The following LRWD1 variants were observed in gnomAD, a reference collection of about 807,000 sequenced individuals.
LRWD1 encodes leucine-rich repeat and WD repeat-containing protein 1.
In LRWD1, 76 loss-of-function variants were observed where a neutral mutation model predicts 75.6. The observed-to-expected ratio is 1.01, with a 90% CI of 0.84 to 1.22. LRWD1 has a LOEUF of 1.22. LRWD1 is among the 50% of genes most tolerant of loss of function. LRWD1 has a pLI of 0.00. For synonymous variants in LRWD1, 487 were observed against 377.0 expected, an observed-to-expected ratio of 1.29 and a Z score of -3.38; for missense variants, 917 against 862.0, an observed-to-expected ratio of 1.06 and a Z score of -0.80.
intron 9 of LRWD1, 87 bp downstream of exon 9, chr7:102,469,149 CTG>C (rs1310556517): frequency 4.3e-5 from 55 of 1,282,076 alleles, no homozygotes; most frequent in Non-Finnish European, 5.4e-5. Flanking sequence ...CCTGGGATGG[CTG>C]TGAGCTCGGG....
At chr7:102,472,096 C>T (rs1798210041) in intron 11 of LRWD1, 122 bp from the exon 12 acceptor site, 1 of 863,676 alleles carries the variant, frequency 1.2e-6, no homozygotes, top group Non-Finnish European at 1.9e-6. Flanking sequence ...TCTTTGGTGG[C>T]ATCTTCTGTG....
chr7:102,469,045 A>T lies in LRWD1; in HGVS notation c.1211A>T (p.His404Leu). 2 of 1,607,460 alleles carry T rather than the reference A, an allele frequency of 1.2e-6. No individual in the cohort carries two copies. Among genetic ancestry groups the T allele is most frequent in the Non-Finnish European group, 1.7e-6 (2 of 1,177,206 alleles). ...AIATLCFSPA[H>L]ETHLFTASYD... Reference sequence around the variant, plus strand: ...GCCACCCTGTGCTTCAGCCCCGCCCACGAGACCCATCTCTTCAGTAAGCCC... The same window carrying T: ...GCCACCCTGTGCTTCAGCCCCGCCCTCGAGACCCATCTCTTCAGTAAGCCC... The change falls in exon 9 of 15, where the codon CAC (histidine) becomes CTC (leucine). Residue 404 changes from histidine to leucine, a missense_variant. His to Leu is a moderately conservative substitution (Grantham distance 99). Transcript: ENST00000292616.
At position 102,469,102 on chromosome 7, in the gene LRWD1, C is replaced by T. The variant is rs1798107851; in HGVS notation, c.1228+40C>T. 7.9e-6 allele frequency: 12 copies of T among 1,519,784 alleles called. No individual in the cohort carries two copies. The South Asian group carries it at 1.1e-4, about 14-fold the overall frequency. The allele number at this position is 1,519,784 out of a possible 1,614,324, so 94.1% of individuals were successfully genotyped here. A position where few individuals can be genotyped will look rare whatever the true frequency, so the allele number is the denominator to read the frequency against. ...TTCACCCCTGGGACCCCCAAGCACC[C>T]CTGTCCTGCTGCCCCAGTAGCCTCC... On this transcript the variant is annotated intron_variant, in intron 9 of 14. Coordinates refer to ENST00000292616, the MANE Select transcript of LRWD1 (RefSeq NM_152892.3).
Position 102,468,577 on chromosome 7 carries a change from A to G in LRWD1, c.943A>G (p.Thr315Ala). ...EEGATSQTVA[T>A]CGGEAVCVID... ...AGGGGCCACATCCCAGACCGTGGCC[A>G]CGTGCGGCGGGGAGGCTGTGTGCGT... The change falls in exon 8 of 15, where the codon ACG becomes GCG. Residue 315 changes from threonine to alanine, a missense_variant. Transcript: ENST00000292616. 6.3e-7 allele frequency: 1 copy of G among 1,577,922 alleles called. No individual in the cohort carries two copies. Among genetic ancestry groups the G allele is most frequent in the Non-Finnish European group, 8.6e-7 (1 of 1,161,796 alleles).
chr7:102,472,285 G>A lies in LRWD1; in HGVS notation c.1510G>A (p.Ala504Thr). 1.3e-6 allele frequency: 2 copies of A among 1,585,148 alleles called. No homozygotes were observed. The highest frequency in any genetic ancestry group is 1.7e-6 in the Non-Finnish European group (2 of 1,163,992). ...EASGRRVDGL[A>T]FVNEDIVASK... ...ATCTGGACGGAGAGTGGATGGGCTG[G>A]CATTTGTGAATGAGGACATCGTGGG... is the stretch of plus-strand genomic sequence containing the variant. Residue 504 changes from alanine (A) to threonine (T), a missense_variant, in exon 12 of 15, where the codon GCA becomes ACA. Coordinates refer to ENST00000292616, the MANE Select transcript of LRWD1 (RefSeq NM_152892.3).
At chr7:102,465,287 T>A (rs1036361013) in intron 1 of LRWD1, 127 bp downstream of exon 1, 17 of 972,376 alleles carry the variant, frequency 1.7e-5, no homozygotes, top group Non-Finnish European at 2.3e-5. Context: ...GTGGTCCAAA[T>A]GTCTTCTTGT....
chr7:102,467,244 C>T, intron 3 of LRWD1, 95 bp from the exon 4 acceptor site: 1 of 1,351,518 alleles, frequency 7.4e-7, no homozygotes, highest in South Asian at 1.3e-5. Context: ...CAGGAGGCTT[C>T]CAGCAGGTGG....
At chr7:102,468,526 A>T (rs966531813) in intron 7 of LRWD1, 28 bp from the exon 8 acceptor site, 1 of 1,555,068 alleles carries the variant, frequency 6.4e-7, no homozygotes, top group African/African-American at 1.4e-5. Flanking sequence ...GTCTCTGCTC[A>T]TCCGACCTCT....
At chr7:102,467,070 GGT>G (rs59522694) in intron 3 of LRWD1, among the ~76,000 whole-genome samples, 1,679 of 133,538 alleles carry the variant, frequency 0.013, 51 homozygotes, top group African/African-American at 0.044. Flanking sequence ...GGTTGTTGCT[GGT>G]GTGTGTGTGT....
chr7:102,472,368 T>C, intron 12 of LRWD1, 59 bp downstream of exon 12: 6 of 1,551,900 alleles, frequency 3.9e-6, no homozygotes, highest in South Asian at 2.4e-5. Flanking sequence ...GGACCGCTTG[T>C]CCCTGGGCTA....
At chr7:102,467,514 G>C (rs1798047014) in intron 4 of LRWD1, 35 bp downstream of exon 4, 2 of 1,605,856 alleles carry the variant, frequency 1.2e-6, no homozygotes, top group African/African-American at 2.7e-5. Flanking sequence ...GGAGTCACTG[G>C]CTCTCGTATC....
chr7:102,468,827 G>A (rs760152141), intron 8 of LRWD1, 28 bp from the exon 9 acceptor site: 49 of 1,604,106 alleles, frequency 3.1e-5, no homozygotes, highest in Non-Finnish European at 3.7e-5. Flanking sequence ...CTCTGCCCCA[G>A]TGACTGTTTA....
rs145973282 is a variant in LRWD1 at position 102,472,709 on chromosome 7, T to C, written c.1708T>C (p.Cys570Arg). ...CCCGGCAGATAAGGGGATTGTGCTC[T>C]GTGGGGATGAGGAGGGCAACGTGTG... ...SACPDKGIVLCGDEEGNVWLY... is the reference protein window; with the variant it reads ...SACPDKGIVLRGDEEGNVWLY... Residue 570 changes from cysteine to arginine, a missense_variant, in exon 14 of 15, where the codon TGT becomes CGT. By Grantham distance (180) the Cys-to-Arg change is radical (BLOSUM62 -3). Transcript: ENST00000292616. The C allele has an allele frequency of 1.2e-6, 2 of 1,613,432 alleles. No individual in the cohort carries two copies. The highest frequency in any genetic ancestry group is 1.3e-5 in the African/African-American group (1 of 74,948).
rs1197087333 is a variant in LRWD1, at chr7:102,468,938, A to G, written c.1104A>G (p.Ala368=). 3 of 1,612,648 alleles carry G rather than the reference A, an allele frequency of 1.9e-6. No homozygotes were observed. Among genetic ancestry groups the G allele is most frequent in the Non-Finnish European group, 2.5e-6 (3 of 1,179,920 alleles). The change falls in exon 9 of 15, where the codon GCA becomes GCG. Residue 368 remains alanine, a synonymous_variant. Transcript: ENST00000292616. ...HKKRWSVLAA[A]GLRGLVRLLH... is the part of the protein sequence containing the mutation. The stretch of plus-strand genomic sequence containing the variant: ...AGCGCTGGAGTGTGCTGGCGGCTGC[A>G]GGCCTACGGGGCCTGGTCCGGCTGC...
intron 11 of LRWD1, 60 bp downstream of exon 11, chr7:102,469,942 C>G: frequency 6.9e-7 from 1 of 1,442,950 alleles, no homozygotes; most frequent in East Asian, 2.5e-5. Flanking sequence ...GCTGTTGGCC[C>G]AGATGGGCTC....
Position 102,472,542 on chromosome 7 carries a change from GGTGGTCCTGGCGCGGCT to G in LRWD1, c.1625_1641del (p.Val542AlafsTer17). On this transcript the variant is annotated frameshift_variant, in exon 13 of 15. Coordinates refer to ENST00000292616, the MANE Select transcript of LRWD1 (RefSeq NM_152892.3). LOFTEE classifies it high-confidence loss of function. The stretch of plus-strand genomic sequence containing the variant: ...GGGGCAGCCAGTCCACGGTGGCAGT[GGTGGTCCTGGCGCGGCT>G]GCAATGGTCGTCCACCGAGTTGGCC... 1.3e-6 allele frequency: 2 copies of G among 1,589,256 alleles called. No homozygotes were observed. The highest frequency in any genetic ancestry group is 1.7e-6 in the Non-Finnish European group (2 of 1,169,248).
At position 102,465,870 on chromosome 7, in the gene LRWD1, G is replaced by T. The variant is rs773384348; in HGVS notation, c.134G>T (p.Arg45Leu). Residue 45 changes from arginine (R) to leucine (L), a missense_variant, in exon 2 of 15, where the codon CGC (arginine) becomes CTC (leucine). Coordinates refer to ENST00000292616, the MANE Select transcript of LRWD1 (RefSeq NM_152892.3). ...CACCTGGACCCCAAACTCCTGTGCC[G>T]CCTGACGCAGCTGCAGGAGCTTGAC... ...SEHLDPKLLC[R>L]LTQLQELDLS... is the part of the protein sequence containing the mutation. The T allele has an allele frequency of 1.2e-6, 2 of 1,613,376 alleles. No individual in the cohort carries two copies. Among genetic ancestry groups the T allele is most frequent in the South Asian group, 1.1e-5 (1 of 91,068 alleles).
chr7:102,467,171 G>GTGTGTGTGTATGTGTGTGTGTGT lies in LRWD1; in HGVS notation c.433-168_433-167insTGTGTGTGTATGTGTGTGTGTGT, dbSNP rs1554579596. Among the ~76,000 whole-genome samples, 159 of 99,134 alleles carry GTGTGTGTGTATGTGTGTGTGTGT rather than the reference G, an allele frequency of 1.6e-3. 6 individuals are homozygous for GTGTGTGTGTATGTGTGTGTGTGT. Among genetic ancestry groups the GTGTGTGTGTATGTGTGTGTGTGT allele is most frequent in the Admixed American group, 3.9e-3 (36 of 9,240 alleles). The allele number at this position is 99,134 out of a possible 152,430, so 65.0% of individuals were successfully genotyped here. On this transcript the variant is annotated intron_variant, in intron 3 of 14. Coordinates refer to ENST00000292616, the MANE Select transcript of LRWD1 (RefSeq NM_152892.3). ...TGGGTTGTTGCTGGGGTGTGTGTGG[G>GTGTGTGTGTATGTGTGTGTGTGT]GTGTGTGTGTGTGTGTGTGTGTGTG... is the stretch of plus-strand genomic sequence containing the variant.
At chr7:102,465,198 G>A (rs769701271) in intron 1 of LRWD1, 38 bp downstream of exon 1, 119 of 1,416,148 alleles carry the variant, frequency 8.4e-5, no homozygotes, top group Non-Finnish European at 1.1e-4. Flanking sequence ...TGTCCTCGGG[G>A]CCGGGCGGTC....
Sources: gnomAD v4.1 joint callset for allele counts (sites outside exome capture counted in the v4.1 genomes callset) on GRCh38, gnomAD v4.1.1 for gene constraint, MANE v1.5 for transcripts, NCBI Gene and HGNC (gene_info 2026-07-23, HGNC 2026-07-21) for gene names.